TDRD5: variants seen among roughly 807,000 people sequenced by gnomAD.
TDRD5 encodes the protein tudor domain-containing protein 5.
In TDRD5, 41 loss-of-function variants were observed where a neutral mutation model predicts 120.6. That is an observed-to-expected ratio of 0.34 (90% CI 0.26 to 0.44). The LOEUF is 0.44. Among genes scored for constraint, TDRD5 ranks in the 20% least tolerant of loss-of-function variants. The pLI is 1.00. For synonymous variants in TDRD5, 430 were observed against 433.7 expected (o/e 0.99, Z 0.11); for missense variants, 1,006 against 1,221.2 (o/e 0.82, Z 2.63).
At chr1:179,595,319 A>C (rs1039783681) in intron 3 of TDRD5, among the ~76,000 whole-genome samples, 2 of 152,148 alleles carry the variant, frequency 1.3e-5, no homozygotes. Flanking sequence ...TGTCTCCTAA[A>C]TGGGATACAG....
chr1:179,625,994 C>T (rs907349629), intron 6 of TDRD5, among the ~76,000 whole-genome samples: 1 of 151,298 alleles, frequency 6.6e-6, no homozygotes, highest in Non-Finnish European at 1.5e-5. Flanking sequence ...TATTCTCACT[C>T]ATAGGTGGGA....
At chr1:179,614,588 T>C (rs1676461970) in intron 4 of TDRD5, among the ~76,000 whole-genome samples, 1 of 152,124 alleles carries the variant, frequency 6.6e-6, no homozygotes, top group South Asian at 2.1e-4. Flanking sequence ...AAGAATTGTT[T>C]CAGTTGACAC....
chr1:179,663,583 A>C, intron 16 of TDRD5, 92 bp downstream of exon 16: 3 of 1,475,576 alleles, frequency 2.0e-6, no homozygotes, highest in Non-Finnish European at 2.7e-6. Context: ...ACATATTTTG[A>C]TATTGCCTGT....
intron 5 of TDRD5, among the ~76,000 whole-genome samples, chr1:179,620,237 T>C (rs1676772593): frequency 6.6e-6 from 1 of 152,186 alleles, no homozygotes; most frequent in African/African-American, 2.4e-5. Flanking sequence ...ATTTTTACTT[T>C]AGATTTTTCT....
At chr1:179,615,182 T>C (rs1328378139) in intron 4 of TDRD5, among the ~76,000 whole-genome samples, 1 of 152,170 alleles carries the variant, frequency 6.6e-6, no homozygotes, top group Non-Finnish European at 1.5e-5. Flanking sequence ...TTCAGGTCTA[T>C]CTCTGCAAGT....
At chr1:179,688,525 G>A (rs1032971553) in intron 17 of TDRD5, among the ~76,000 whole-genome samples, 2 of 152,070 alleles carry the variant, frequency 1.3e-5, no homozygotes, top group African/African-American at 2.4e-5. Context: ...TATGTTTCTT[G>A]GAGTTGCTCT....
At chr1:179,666,096 A>G (rs1276237515) in intron 16 of TDRD5, among the ~76,000 whole-genome samples, 4 of 152,188 alleles carry the variant, frequency 2.6e-5, no homozygotes, top group Non-Finnish European at 5.9e-5. Flanking sequence ...TTTGAAAATT[A>G]TGAAAGTACT....
chr1:179,629,818 CAT>C (rs1445703854), intron 6 of TDRD5, among the ~76,000 whole-genome samples: 1 of 151,968 alleles, frequency 6.6e-6, no homozygotes, highest in Non-Finnish European at 1.5e-5. Flanking sequence ...CCTTTTAAGA[CAT>C]ATGAAATGTT....
chr1:179,687,558 T>A (rs1011583851), intron 17 of TDRD5, among the ~76,000 whole-genome samples: 1 of 152,220 alleles, frequency 6.6e-6, no homozygotes, highest in Non-Finnish European at 1.5e-5. Context: ...GTCTATTAGG[T>A]CTGCTTGTTG....
At chr1:179,600,976 T>G (rs1018890785) in intron 4 of TDRD5, among the ~76,000 whole-genome samples, 3 of 152,186 alleles carry the variant, frequency 2.0e-5, no homozygotes, top group Non-Finnish European at 4.4e-5. Flanking sequence ...TCCAACAACA[T>G]AGATTTCATT....
intron 17 of TDRD5, among the ~76,000 whole-genome samples, chr1:179,690,123 A>G (rs887893809): frequency 9.8e-5 from 15 of 152,300 alleles, no homozygotes; most frequent in African/African-American, 3.6e-4. Flanking sequence ...GAAATGCAGA[A>G]ATCACCCATC....
intron 17 of TDRD5, among the ~76,000 whole-genome samples, chr1:179,690,202 G>A (rs1681059371): frequency 6.6e-6 from 1 of 152,094 alleles, no homozygotes; most frequent in Admixed American, 6.6e-5. Flanking sequence ...GAACCTCTCG[G>A]CATTTATTTT....
intron 16 of TDRD5, among the ~76,000 whole-genome samples, chr1:179,667,352 A>G (rs1017795035): frequency 6.6e-6 from 1 of 152,236 alleles, no homozygotes; most frequent in African/African-American, 2.4e-5. Flanking sequence ...GAAAGAAGAT[A>G]TAGCTTTTTA....
intron 4 of TDRD5, among the ~76,000 whole-genome samples, chr1:179,604,797 A>G (rs928478898): frequency 3.9e-5 from 6 of 152,184 alleles, no homozygotes; most frequent in Non-Finnish European, 8.8e-5. Context: ...GGCCTATTAT[A>G]TGGTCTATCT....
intron 6 of TDRD5, among the ~76,000 whole-genome samples, chr1:179,629,164 G>A (rs143376431): frequency 2.0e-5 from 3 of 152,140 alleles, no homozygotes; most frequent in Non-Finnish European, 4.4e-5. Flanking sequence ...TTGGTGCGGA[G>A]GAGAAAGCTG....
intron 17 of TDRD5, among the ~76,000 whole-genome samples, chr1:179,683,152 C>T (rs945008357): frequency 1.4e-4 from 21 of 152,188 alleles, no homozygotes; most frequent in African/African-American, 4.8e-4. Context: ...ATTCCTCCTT[C>T]TCATACTACA....
intron 4 of TDRD5, among the ~76,000 whole-genome samples, chr1:179,616,272 T>G (rs1054461348): frequency 6.6e-6 from 1 of 152,186 alleles, no homozygotes; most frequent in African/African-American, 2.4e-5. Flanking sequence ...ACGGTACTTT[T>G]GTTTCCTACA....
chr1:179,650,968 T>G lies in TDRD5; in HGVS notation c.1902T>G (p.Ile634Met). ...VDEYVDGILNIFLCDTSSNED... is the reference protein window; with the variant it reads ...VDEYVDGILNMFLCDTSSNED... ...AATATGTAGATGGAATCCTTAACAT[T>G]TTTTTGTGTGACACATCCTCAAACG... The change falls in exon 12 of 18, where the codon ATT becomes ATG. Residue 634 changes from isoleucine (I) to methionine (M), a missense_variant. Around this residue, in one of 3 missense-constraint regions of TDRD5, gnomAD observed 158 missense variants for 257.5 expected, o/e 0.61. Transcript: ENST00000444136. 1.2e-6 allele frequency: 2 copies of G among 1,614,154 alleles called. No individual in the cohort carries two copies. Among genetic ancestry groups the G allele is most frequent in the South Asian group, 2.2e-5 (2 of 91,086 alleles).
rs375641517 is a variant in TDRD5, at chr1:179,592,808, C to A, written c.193C>A (p.Arg65Ser). 6.2e-7 allele frequency: 1 copy of A among 1,614,104 alleles called. No individual in the cohort carries two copies. The highest frequency in any genetic ancestry group is 1.1e-5 in the South Asian group (1 of 91,060). The change falls in exon 2 of 18, where the codon CGT (arginine) becomes AGT (serine). Residue 65 changes from arginine (R) to serine (S), a missense_variant. This residue lies in a region of TDRD5 where 445 missense variants were observed against 515.5 expected (regional missense o/e 0.86). Transcript: ENST00000444136. Reference sequence around the variant, plus strand: ...GGTATTGGACATGCCTGATGTTGTTCGTGTCTGCCCCGGTGCAGGTGGTAC... The same window carrying A: ...GGTATTGGACATGCCTGATGTTGTTAGTGTCTGCCCCGGTGCAGGTGGTAC... ...ELVLDMPDVV[R>S]VCPGAGGTVI...
Sources: gnomAD v4.1 joint callset for allele counts (sites outside exome capture counted in the v4.1 genomes callset) on GRCh38, gnomAD v4.1.1 for gene constraint, gnomAD v4.1.1 regional missense constraint, MANE v1.5 for transcripts, NCBI Gene and HGNC (gene_info 2026-07-23, HGNC 2026-07-21) for gene names.